Variants in AKAP12 observed in about 807,000 individuals in gnomAD.
The protein encoded by AKAP12 is A-kinase anchor protein 12.
In AKAP12, 32 loss-of-function variants were observed where a neutral mutation model predicts 79.9. That is an observed-to-expected ratio of 0.40 (90% CI 0.30 to 0.54). AKAP12 has a LOEUF of 0.54. AKAP12 is among the 20% of genes least tolerant of loss of function. AKAP12 has a pLI of 0.48. For synonymous variants in AKAP12, 808 were observed against 857.0 expected (o/e 0.94, Z 1.00); for missense variants, 2,074 against 2,177.0 (o/e 0.95, Z 0.94).
At position 151,351,863 on chromosome 6, in the gene AKAP12, A is replaced by G. The variant is rs1341263405; in HGVS notation, c.3472A>G (p.Ile1158Val). 3 of 1,613,942 alleles carry G rather than the reference A, an allele frequency of 1.9e-6. No individual in the cohort carries two copies. The highest frequency in any genetic ancestry group is 2.5e-6 in the Non-Finnish European group (3 of 1,180,000). The change falls in exon 4 of 5, where the codon ATC becomes GTC. Residue 1158 changes from isoleucine to valine, a missense_variant. Ile to Val is a conservative substitution (Grantham distance 29). Coordinates refer to ENST00000402676, the MANE Select transcript of AKAP12 (RefSeq NM_005100.4). This position sits in a 1 kb window ranked among gnomAD's most constrained non-coding sequence, Gnocchi z 4.4. ...ACAGGAGATGGTGATGGAACAGGCT[A>G]TCCCCCCTGACTCGGTGGAAACCCC... Reference protein sequence around the residue: ...KSQEMVMEQAIPPDSVETPTD... With the variant: ...KSQEMVMEQAVPPDSVETPTD...
chr6:151,274,729 A>T (rs1272120221), intron 2 of AKAP12, among the ~76,000 whole-genome samples: 1 of 152,222 alleles, frequency 6.6e-6, no homozygotes, highest in Non-Finnish European at 1.5e-5. Context: ...TCACAATTTT[A>T]TAGGCAGTTT....
chr6:151,328,604 T>G (rs534472928), intron 3 of AKAP12, among the ~76,000 whole-genome samples: 30 of 147,612 alleles, frequency 2.0e-4, no homozygotes, highest in African/African-American at 6.6e-4. Flanking sequence ...GCCACTGCAC[T>G]CCAGCCTGGG....
chr6:151,350,332 G>C lies in AKAP12; in HGVS notation c.1941G>C (p.Glu647Asp). ...AGAGCGCTACCTTGTCTTCCACCGA[G>C]AGCACAGCCTCTGAAATGCAAGAAG... ...KVKSATLSST[E>D]STASEMQEEM... The change falls in exon 4 of 5, where the codon GAG becomes GAC. Residue 647 changes from glutamate to aspartate, a missense_variant. Coordinates refer to ENST00000402676, the MANE Select transcript of AKAP12 (RefSeq NM_005100.4). The surrounding 1 kb of genome is among the most constrained non-coding windows in gnomAD (Gnocchi z 4.8). 1 of 1,613,886 alleles carries C rather than the reference G, an allele frequency of 6.2e-7. No individual in the cohort carries two copies. The highest frequency in any genetic ancestry group is 8.5e-7 in the Non-Finnish European group (1 of 1,180,026).
At position 151,312,519 on chromosome 6, in the gene AKAP12, C is replaced by T. The variant is rs182230112; in HGVS notation, c.319+6616C>T. On this transcript the variant is annotated intron_variant, in intron 3 of 4. Coordinates refer to ENST00000402676, the MANE Select transcript of AKAP12 (RefSeq NM_005100.4). The stretch of plus-strand genomic sequence containing the variant: ...TAAGAATCATGAGGACGGCCGGGCA[C>T]GGTGGCTCACGCCTGTAATCCCCAC... 5.2e-3 allele frequency among the ~76,000 whole-genome samples: 782 copies of T among 151,634 alleles called. 4 individuals carry two copies. The highest frequency in any genetic ancestry group is 0.01 in the Middle Eastern group (3 of 294).
intron 2 of AKAP12, among the ~76,000 whole-genome samples, chr6:151,247,423 CA>C (rs919902710): frequency 6.6e-6 from 1 of 151,546 alleles, no homozygotes; most frequent in Non-Finnish European, 1.5e-5. Flanking sequence ...CAAAACAAAA[CA>C]AAAAAACAAA....
At chr6:151,318,441 A>G (rs1777284167) in intron 3 of AKAP12, among the ~76,000 whole-genome samples, 1 of 152,210 alleles carries the variant, frequency 6.6e-6, no homozygotes, top group Admixed American at 6.5e-5. Flanking sequence ...AGTATGTTCA[A>G]ATACCTTAGG....
In AKAP12 at chr6:151,248,933, G is replaced by A. The variant is rs561479495; in HGVS notation, c.162+8209G>A. On this transcript the variant is annotated intron_variant, in intron 2 of 4. Coordinates refer to ENST00000402676, the MANE Select transcript of AKAP12 (RefSeq NM_005100.4). ...ACCTAGGAGGTGGAGGTTGCAGTGA[G>A]CCGAGACCGCATCATTGCACTCCAG... Among the ~76,000 whole-genome samples the A allele has an allele frequency of 3.9e-5, 6 of 152,110 alleles. No individual in the cohort carries two copies. The South Asian group carries it at 1.2e-3, about 32-fold the overall frequency.
chr6:151,246,037 T>C (rs769933230), intron 2 of AKAP12, among the ~76,000 whole-genome samples: 16 of 152,246 alleles, frequency 1.1e-4, no homozygotes, highest in Non-Finnish European at 1.6e-4. Flanking sequence ...TGAAGCCCTG[T>C]AACGATTTAA....
At chr6:151,247,088 C>T (rs1246709638) in intron 2 of AKAP12, among the ~76,000 whole-genome samples, 1 of 151,952 alleles carries the variant, frequency 6.6e-6, no homozygotes, top group Non-Finnish European at 1.5e-5. Flanking sequence ...CCCCCATGCC[C>T]TGCCCAATTA....
Position 151,240,690 on chromosome 6 carries a change from A to T in AKAP12, c.128A>T (p.Asp43Val). ...GAGGCGGCGCCAGACACCACCGCGG[A>T]CCCCGCCATCGCTGCCTCGGACCCC... ...SAEAAPDTTA[D>V]PAIAASDPAT... The change falls in exon 2 of 5, where the codon GAC (aspartate) becomes GTC (valine). Residue 43 changes from aspartate to valine, a missense_variant. Physicochemically the swap from Asp to Val is radical, Grantham distance 152. Coordinates refer to ENST00000402676, the MANE Select transcript of AKAP12 (RefSeq NM_005100.4). 9.4e-7 allele frequency: 1 copy of T among 1,068,626 alleles called. No homozygotes were observed. Among genetic ancestry groups the T allele is most frequent in the Non-Finnish European group, 1.1e-6 (1 of 886,516 alleles). 66.2% of individuals were successfully genotyped at this position (1,068,626 alleles called of 1,614,324 possible).
chr6:151,321,435 C>T (rs1289005787), intron 3 of AKAP12, among the ~76,000 whole-genome samples: 2 of 152,112 alleles, frequency 1.3e-5, no homozygotes, highest in African/African-American at 2.4e-5. Context: ...GGAATTAAAC[C>T]GTGTATGCTC....
At chr6:151,327,296 A>T (rs1777553043) in intron 3 of AKAP12, among the ~76,000 whole-genome samples, 1 of 152,166 alleles carries the variant, frequency 6.6e-6, no homozygotes, top group Non-Finnish European at 1.5e-5. Context: ...TTTCCTTAAA[A>T]TTCGACCCCC....
rs566741769 is a variant in AKAP12, at chr6:151,325,371, C to T, written c.319+19468C>T. On this transcript the variant is annotated intron_variant, in intron 3 of 4. Transcript: ENST00000402676. The stretch of plus-strand genomic sequence containing the variant: ...ATACAGAAGTATTAGTAAATCGGTG[C>T]CAGGAATGAAGTAACCGTTTAGATC... 3.0e-5 allele frequency: 30 copies of T among 985,392 alleles called. No homozygotes were observed. The South Asian group carries it at 1.2e-3, about 40-fold the overall frequency. The allele number at this position is 985,392 out of a possible 1,614,324, so 61.0% of individuals were successfully genotyped here. A position where few individuals can be genotyped will look rare whatever the true frequency, so the allele number is the denominator to read the frequency against.
intron 3 of AKAP12, among the ~76,000 whole-genome samples, chr6:151,345,932 T>TGTGA (rs1349850485): frequency 6.7e-4 from 68 of 101,438 alleles, no homozygotes; most frequent in African/African-American, 1.9e-3. Flanking sequence ...TGTGTGTGTG[T>TGTGA]GAGAGAGAGA....
chr6:151,292,427 A>G (rs1052103702), intron 2 of AKAP12, among the ~76,000 whole-genome samples: 4 of 152,168 alleles, frequency 2.6e-5, no homozygotes, highest in African/African-American at 9.7e-5. Flanking sequence ...AGTGTGTAGT[A>G]CAGTTGTCCT....
intron 2 of AKAP12, among the ~76,000 whole-genome samples, chr6:151,268,945 GTTTTTTT>G (rs558502756): frequency 0.016 from 1,246 of 77,160 alleles, 22 homozygotes; most frequent in African/African-American, 0.058. Context: ...TGCTCGGCCT[GTTTTTTT>G]TTTTTTTTTT....
intron 2 of AKAP12, among the ~76,000 whole-genome samples, chr6:151,244,522 T>TCAAA (rs1797034507): frequency 7.3e-6 from 1 of 136,554 alleles, no homozygotes. Flanking sequence ...AGACTCTGTC[T>TCAAA]CAAAGAAACA....
chr6:151,240,197 G>C (rs765452958), intron 1 of AKAP12, 138 bp downstream of exon 1: 191 of 185,142 alleles, frequency 1.0e-3, no homozygotes, highest in Non-Finnish European at 1.7e-3. Context: ...GCGCCCGAGG[G>C]CCGGGTGGGC....
intron 3 of AKAP12, among the ~76,000 whole-genome samples, chr6:151,306,544 G>A (rs1776982242): frequency 2.0e-5 from 3 of 152,244 alleles, no homozygotes; most frequent in Middle Eastern, 3.4e-3. Context: ...TAAATAAAGG[G>A]ATAACCAATA....
Sources: gnomAD v4.1 joint callset for allele counts (sites outside exome capture counted in the v4.1 genomes callset) on GRCh38, gnomAD v4.1.1 for gene constraint, Gnocchi (gnomAD v3.1) non-coding constraint, MANE v1.5 for transcripts, NCBI Gene and HGNC (gene_info 2026-07-23, HGNC 2026-07-21) for gene names.